The following AGMAT variants were observed in gnomAD, a reference collection of about 807,000 sequenced individuals.
AGMAT encodes the protein agmatinase (putative), also known as guanidino acid hydrolase, mitochondrial.
AGMAT carries 37 observed loss-of-function variants against 29.3 expected under a neutral mutation model. That is an observed-to-expected ratio of 1.26 (90% confidence interval 0.97 to 1.66). The LOEUF is 1.66. Ranked by LOEUF, AGMAT falls within the 40% of genes most tolerant of loss-of-function variation. AGMAT has a pLI of 0.00. For synonymous variants in AGMAT, 199 were observed against 200.8 expected (o/e 0.99, Z 0.08); for missense variants, 498 against 497.8 (o/e 1.00, Z 0.00).
chr1:15,579,911 A>G (rs529286766), intron 3 of AGMAT, among the ~76,000 whole-genome samples, 183 bp downstream of exon 3: 2 of 152,256 alleles, frequency 1.3e-5, no homozygotes, highest in Non-Finnish European at 2.9e-5. Flanking sequence ...TTAATAATAA[A>G]TTGTCTTGGC....
intron 1 of AGMAT, among the ~76,000 whole-genome samples, chr1:15,583,891 T>C (rs1422874391): frequency 6.6e-6 from 1 of 152,194 alleles, no homozygotes; most frequent in East Asian, 1.9e-4. Context: ...GAATCAGAAA[T>C]TGCTGACGTT....
At chr1:15,574,495 T>C (rs1233218408) in intron 6 of AGMAT, among the ~76,000 whole-genome samples, 3 of 151,834 alleles carry the variant, frequency 2.0e-5, no homozygotes, top group East Asian at 3.9e-4. Context: ...TCTCCTGCCT[T>C]AGCCTCCTGA....
In AGMAT at chr1:15,572,146, G is replaced by GA. The variant is rs560322313; in HGVS notation, c.*1504dup. ...GGGGACAGAGCGAGACTCCATCTCA[G>GA]AAAAAAAAAAAAAAAAAAAAGCCCA... On this transcript the variant is annotated 3_prime_UTR_variant, in exon 7 of 7. Coordinates refer to ENST00000375826, the MANE Select transcript of AGMAT (RefSeq NM_024758.5). 0.41 allele frequency among the ~76,000 whole-genome samples: 25,927 copies of GA among 63,674 alleles called. 4,853 individuals are homozygous for GA. The highest frequency in any genetic ancestry group is 0.57 in the African/African-American group (10,491 of 18,452). The allele number at this position is 63,674 out of a possible 152,430, so 41.8% of individuals were successfully genotyped here.
In AGMAT at chr1:15,583,214, C is replaced by T; in HGVS notation, c.454G>A (p.Gly152Ser). The T allele has an allele frequency of 6.2e-7, 1 of 1,614,054 alleles. No individual in the cohort carries two copies. The highest frequency in any genetic ancestry group is 8.5e-7 in the Non-Finnish European group (1 of 1,180,026). Residue 152 changes from glycine to serine, a missense_variant, in exon 2 of 7, where the codon GGC becomes AGC. Physicochemically the swap from Gly to Ser is moderately conservative, Grantham distance 56. Transcript: ENST00000375826. Reference protein sequence around the residue: ...QEAYEKIVAAGCIPLTLGGDH... With the variant: ...QEAYEKIVAASCIPLTLGGDH... ...TTACCCAAGGTCAGAGGAATACAGCCAGCTGCTACAATTTTCTCATAGGCC... is the reference window on the plus strand; with the variant it reads ...TTACCCAAGGTCAGAGGAATACAGCTAGCTGCTACAATTTTCTCATAGGCC...
Position 15,579,002 on chromosome 1 carries a change from T to C in AGMAT, c.577A>G (p.Lys193Glu), listed in dbSNP as rs1242933162. The change falls in exon 4 of 7, where the codon AAG becomes GAG. Residue 193 changes from lysine (K) to glutamate (E), a missense_variant. Coordinates refer to ENST00000375826, the MANE Select transcript of AGMAT (RefSeq NM_024758.5). ...HVDAHTDTTD[K>E]ALGEKLYHGA... ...TGGTAGAGCTTCTCTCCTAGGGCCTTGTCGGTCGTGTCCGTGTGCGCATCC... is the reference window on the plus strand; with the variant it reads ...TGGTAGAGCTTCTCTCCTAGGGCCTCGTCGGTCGTGTCCGTGTGCGCATCC... 6.2e-7 allele frequency: 1 copy of C among 1,614,114 alleles called. No individual in the cohort carries two copies. Among genetic ancestry groups the C allele is most frequent in the South Asian group, 1.1e-5 (1 of 91,080 alleles).
intron 6 of AGMAT, 108 bp from the exon 7 acceptor site, chr1:15,573,832 T>C: frequency 2.0e-6 from 2 of 980,188 alleles, no homozygotes; most frequent in Non-Finnish European, 3.1e-6. Flanking sequence ...TCCAGAGCCC[T>C]GTCTTGTGCA....
chr1:15,574,923 G>T, intron 5 of AGMAT, 82 bp from the exon 6 acceptor site: 1 of 1,093,564 alleles, frequency 9.1e-7, no homozygotes. Context: ...CCCAGCCCAC[G>T]CCACCCTTTG....
intron 5 of AGMAT, among the ~76,000 whole-genome samples, chr1:15,576,888 T>G (rs1201847772): frequency 2.6e-5 from 4 of 151,364 alleles, no homozygotes. Context: ...TAGCTGAGAT[T>G]ACAGGCACCC....
rs1638953343 is a variant in AGMAT at position 15,571,821 on chromosome 1, GC to G, written c.*1829del. 1 of 152,130 alleles carries G rather than the reference GC, an allele frequency of 6.6e-6. No individual in the cohort carries two copies. The highest frequency in any genetic ancestry group is 6.6e-5 in the Admixed American group (1 of 15,258). The allele number at this position is 152,130 out of a possible 1,614,324, so 9.4% of individuals were successfully genotyped here. On this transcript the variant is annotated 3_prime_UTR_variant, in exon 7 of 7. Coordinates refer to ENST00000375826, the MANE Select transcript of AGMAT (RefSeq NM_024758.5). ...TGAATTTGCATGGAACTCAAGACAC[GC>G]TTAAGATCACCACAGCATAACTGCA...
rs1639139277 is a variant in AGMAT at position 15,583,130 on chromosome 1, GA to G, written c.475+62del. 13 of 297,118 alleles carry G rather than the reference GA, an allele frequency of 4.4e-5. 1 individual carries two copies. The African/African-American group carries it at 3.7e-3, about 85-fold the overall frequency. The allele number at this position is 297,118 out of a possible 1,614,324, so 18.4% of individuals were successfully genotyped here. A position where few individuals can be genotyped will look rare whatever the true frequency, so the allele number is the denominator to read the frequency against. On this transcript the variant is annotated intron_variant, in intron 2 of 6. Transcript: ENST00000375826. Reference sequence around the variant, plus strand: ...GAGAAGTAGCTGTACTCAAGCCCCTGAGTACAGGATAAGTAAACCCTGAGTG... The same window carrying G: ...GAGAAGTAGCTGTACTCAAGCCCCTGGTACAGGATAAGTAAACCCTGAGTG...
intron 5 of AGMAT, among the ~76,000 whole-genome samples, chr1:15,576,767 T>TTTTTTTTTTTTTTTG (rs1639045791): frequency 9.6e-6 from 1 of 104,526 alleles, no homozygotes. Flanking sequence ...TTTTTTTTTT[T>TTTTTTTTTTTTTTTG]GAGATGGAGT....
At position 15,583,934 on chromosome 1, in the gene AGMAT, G is replaced by A. The variant is rs186079745; in HGVS notation, c.273-539C>T. On this transcript the variant is annotated intron_variant, in intron 1 of 6. Transcript: ENST00000375826. ...TAGGAAGATGAATTTTGCTTCCTCC[G>A]ACTTGATCCTAGGAAAATTGCCTTC... Among the ~76,000 whole-genome samples, 327 of 152,254 alleles carry A rather than the reference G, an allele frequency of 2.1e-3. 2 individuals carry two copies. The highest frequency in any genetic ancestry group is 3.2e-3 in the Non-Finnish European group (215 of 68,018).
At chr1:15,576,065 C>T (rs1380703377) in intron 5 of AGMAT, 1 of 151,484 alleles carries the variant, frequency 6.6e-6, no homozygotes, top group Non-Finnish European at 1.5e-5. Flanking sequence ...CCGTTGTATG[C>T]ACTTTTATTT....
chr1:15,577,218 A>G (rs866241882), intron 5 of AGMAT, among the ~76,000 whole-genome samples: 6 of 152,112 alleles, frequency 3.9e-5, no homozygotes, highest in Non-Finnish European at 7.4e-5. Context: ...CTTCAGTAAG[A>G]GGGTATTCAA....
At position 15,578,863 on chromosome 1, in the gene AGMAT, C is replaced by T. The variant is rs1470789017; in HGVS notation, c.716G>A (p.Ser239Asn). 2 of 1,613,598 alleles carry T rather than the reference C, an allele frequency of 1.2e-6. No individual in the cohort carries two copies. The highest frequency in any genetic ancestry group is 3.3e-5 in the Admixed American group (2 of 59,994). The change falls in exon 4 of 7, where the codon AGC becomes AAC. Residue 239 changes from serine (S) to asparagine (N), a missense_variant. Transcript: ENST00000375826. The part of the protein sequence containing the change: ...TTLDPYRYNR[S>N]QGFRVVLAED... ...GGGGGGCATTCGGTCTGTCACCTGGCTCCGGTTGTATCTGTAGGGATCCAA... is the reference window on the plus strand; with the variant it reads ...GGGGGGCATTCGGTCTGTCACCTGGTTCCGGTTGTATCTGTAGGGATCCAA...
At chr1:15,580,906 C>T (rs1420882124) in intron 2 of AGMAT, among the ~76,000 whole-genome samples, 2 of 151,338 alleles carry the variant, frequency 1.3e-5, no homozygotes, top group Non-Finnish European at 1.5e-5. Context: ...ACCCAGGAAG[C>T]GGAGGTTGCG....
At chr1:15,577,581 A>G in intron 5 of AGMAT, 104 bp downstream of exon 5, 1 of 1,296,718 alleles carries the variant, frequency 7.7e-7, no homozygotes, top group South Asian at 1.5e-5. Flanking sequence ...TCAAACAAAC[A>G]AACAAAAATC....
At chr1:15,576,430 T>G (rs916448435) in intron 5 of AGMAT, among the ~76,000 whole-genome samples, 11 of 148,984 alleles carry the variant, frequency 7.4e-5, no homozygotes, top group Non-Finnish European at 1.3e-4. Flanking sequence ...GTTTGGTTGG[T>G]TGGTTGGTTT....
In AGMAT at chr1:15,584,739, C is replaced by T. The variant is rs774788057; in HGVS notation, c.229G>A (p.Gly77Arg). ...GAGGTCCCAGTATCCAGGGGCACCCCGATGAAGGCAGCGTCCAGCCCCTCG... is the reference window on the plus strand; with the variant it reads ...GAGGTCCCAGTATCCAGGGGCACCCTGATGAAGGCAGCGTCCAGCCCCTCG... ...SPEGLDAAFIGVPLDTGTSNR... is the reference protein window; with the variant it reads ...SPEGLDAAFIRVPLDTGTSNR... Residue 77 changes from glycine (G) to arginine (R), a missense_variant, in exon 1 of 7, where the codon GGG (glycine) becomes AGG (arginine). Transcript: ENST00000375826. The T allele has an allele frequency of 7.4e-7, 1 of 1,347,260 alleles. No homozygotes were observed. The highest frequency in any genetic ancestry group is 2.8e-5 in the East Asian group (1 of 35,758). The allele number at this position is 1,347,260 out of a possible 1,614,324, so 83.5% of individuals were successfully genotyped here.
Sources: gnomAD v4.1 joint callset for allele counts (sites outside exome capture counted in the v4.1 genomes callset) on GRCh38, gnomAD v4.1.1 for gene constraint, MANE v1.5 for transcripts, NCBI Gene and HGNC (gene_info 2026-07-23, HGNC 2026-07-21) for gene names.